Variants in ADAMTSL1 observed in about 807,000 individuals in gnomAD.
ADAMTSL1 encodes the protein ADAMTS-like protein 1.
Under a neutral mutation model 201.8 loss-of-function variants are expected in ADAMTSL1, and 126 were observed. The ratio of observed to expected loss-of-function variants is 0.62; its 90% CI spans 0.54 to 0.72. The LOEUF (loss-of-function observed/expected upper bound fraction) is 0.72, where lower values mean the gene tolerates loss of function less well. Ranked by LOEUF, ADAMTSL1 falls within the 30% of genes least tolerant of loss-of-function variation. The pLI is 0.00. For synonymous variants in ADAMTSL1, 1,121 were observed against 903.4 expected, an observed-to-expected ratio of 1.24 and a Z score of -4.32; for missense variants, 2,679 against 2,277.8, an observed-to-expected ratio of 1.18 and a Z score of -3.59.
At chr9:18,815,711 C>CAAAAAAAAAAAAAAAAAAA (rs35926602) in intron 20 of ADAMTSL1, among the ~76,000 whole-genome samples, 2 of 67,934 alleles carry the variant, frequency 2.9e-5, no homozygotes, top group Non-Finnish European at 5.7e-5. Context: ...AACCCTGTCT[C>CAAAAAAAAAAAAAAAAAAA]AAAAAAAAAA....
At chr9:18,605,496 C>T (rs1303370985) in intron 4 of ADAMTSL1, among the ~76,000 whole-genome samples, 1 of 152,182 alleles carries the variant, frequency 6.6e-6, no homozygotes, top group Admixed American at 6.5e-5. Flanking sequence ...ACAGTCTACA[C>T]ATTTTAAGGC....
At chr9:18,037,423 C>T (rs1017824557) in intron 1 of ADAMTSL1, among the ~76,000 whole-genome samples, 2 of 152,104 alleles carry the variant, frequency 1.3e-5, no homozygotes, top group Non-Finnish European at 2.9e-5. Context: ...AGAGATGGAG[C>T]CCTTACTCAT....
chr9:18,606,741 C>G (rs561127911), intron 4 of ADAMTSL1, among the ~76,000 whole-genome samples: 1 of 152,184 alleles, frequency 6.6e-6, no homozygotes, highest in African/African-American at 2.4e-5. Context: ...ACACACCGTA[C>G]TTCATAAACA....
intron 20 of ADAMTSL1, among the ~76,000 whole-genome samples, chr9:18,805,121 A>G (rs1172437498): frequency 6.6e-6 from 1 of 152,206 alleles, no homozygotes; most frequent in Non-Finnish European, 1.5e-5. Context: ...CAGGGAGTCA[A>G]TCTGGCATAT....
intron 1 of ADAMTSL1, among the ~76,000 whole-genome samples, chr9:18,074,471 G>GTTATC (rs1823105738): frequency 7.9e-6 from 1 of 126,870 alleles, no homozygotes; most frequent in Non-Finnish European, 1.7e-5. Flanking sequence ...ACCACACTGT[G>GTTATC]TTTTCTTTTC....
chr9:18,237,791 T>C (rs10733349), intron 2 of ADAMTSL1, among the ~76,000 whole-genome samples: 134,442 of 152,282 alleles, frequency 0.88, 59,619 homozygotes, highest in East Asian at 1. Flanking sequence ...TTGTACACTG[T>C]TTTCTTCCTT....
intron 3 of ADAMTSL1, among the ~76,000 whole-genome samples, chr9:18,547,154 G>A (rs1197305812): frequency 1.3e-5 from 2 of 152,136 alleles, no homozygotes; most frequent in East Asian, 3.8e-4. Flanking sequence ...ATAAGAAAAT[G>A]TATGTAAGAC....
intron 23 of ADAMTSL1, among the ~76,000 whole-genome samples, chr9:18,844,459 C>A (rs991028968): frequency 6.6e-6 from 1 of 152,192 alleles, no homozygotes; most frequent in African/African-American, 2.4e-5. Context: ...GGGGGTGCCT[C>A]CCAGTTAGGC....
chr9:18,702,825 C>T (rs527350921), intron 13 of ADAMTSL1, among the ~76,000 whole-genome samples: 7 of 151,556 alleles, frequency 4.6e-5, no homozygotes, highest in Non-Finnish European at 1.0e-4. Flanking sequence ...TGCGGTGGCA[C>T]GATCTTGGCT....
At chr9:18,429,182 C>T (rs1271741495) in intron 2 of ADAMTSL1, among the ~76,000 whole-genome samples, 1 of 152,082 alleles carries the variant, frequency 6.6e-6, no homozygotes, top group Non-Finnish European at 1.5e-5. Flanking sequence ...TTCATAATGA[C>T]ATATTCTTTG....
chr9:18,725,304 G>T (rs1430522009), intron 15 of ADAMTSL1, among the ~76,000 whole-genome samples: 1 of 152,202 alleles, frequency 6.6e-6, no homozygotes, highest in African/African-American at 2.4e-5. Flanking sequence ...GACAGATGGA[G>T]GTTAAGTAAG....
chr9:18,903,583 G>T (rs1388827075), intron 26 of ADAMTSL1, among the ~76,000 whole-genome samples: 1 of 152,150 alleles, frequency 6.6e-6, no homozygotes, highest in Non-Finnish European at 1.5e-5. Context: ...GGGGCTGCTT[G>T]TTCAAAAACT....
chr9:18,734,520 T>C (rs909044776), intron 15 of ADAMTSL1, among the ~76,000 whole-genome samples: 2 of 152,170 alleles, frequency 1.3e-5, no homozygotes, highest in African/African-American at 4.8e-5. Flanking sequence ...TCATAGGTTC[T>C]GGAGAAACAA....
At chr9:18,908,098 G>GGGAGAGGTGATCACCTAGGA in intron 28 of ADAMTSL1, 1 of 316,430 alleles carries the variant, frequency 3.2e-6, no homozygotes, top group Non-Finnish European at 6.0e-6. Context: ...TTTGCCTAGG[G>GGGAGAGGTGATCACCTAGGA]GGAGAGGTGA....
chr9:17,992,504 G>A (rs1408791927), intron 1 of ADAMTSL1, among the ~76,000 whole-genome samples: 1 of 152,134 alleles, frequency 6.6e-6, no homozygotes, highest in African/African-American at 2.4e-5. Context: ...TTTAGTATCT[G>A]GGAAGCTGGA....
At chr9:18,004,735 A>T (rs950244925) in intron 1 of ADAMTSL1, among the ~76,000 whole-genome samples, 1 of 152,054 alleles carries the variant, frequency 6.6e-6, no homozygotes, top group African/African-American at 2.4e-5. Context: ...GACTAAAGAT[A>T]AGAACTCAGT....
chr9:18,760,184 C>T (rs1298990232), intron 16 of ADAMTSL1, among the ~76,000 whole-genome samples: 1 of 152,170 alleles, frequency 6.6e-6, no homozygotes, highest in East Asian at 1.9e-4. Context: ...AAACTTGAGC[C>T]ATTATGAGCC....
intron 1 of ADAMTSL1, among the ~76,000 whole-genome samples, chr9:18,148,061 A>G (rs1011807151): frequency 6.6e-6 from 1 of 152,108 alleles, no homozygotes; most frequent in African/African-American, 2.4e-5. Context: ...AGCTACATAA[A>G]TATTTGTTGA....
In ADAMTSL1 at chr9:18,906,732, G is replaced by A. The variant is rs945996259; in HGVS notation, c.5002G>A (p.Val1668Ile). The A allele has an allele frequency of 3.7e-6, 6 of 1,612,320 alleles. No individual in the cohort carries two copies. The highest frequency in any genetic ancestry group is 1.6e-4 in the Middle Eastern group (1 of 6,082). ...GAACTGCTGGTCAGAGGCCTGCAGTGTACACTGGAGAGTCAGCCTGTGGAC... is the reference window on the plus strand; with the variant it reads ...GAACTGCTGGTCAGAGGCCTGCAGTATACACTGGAGAGTCAGCCTGTGGAC... ...TQNCWSEACS[V>I]HWRVSLWTLC... Residue 1668 changes from valine to isoleucine, a missense_variant, in exon 28 of 29, where the codon GTA becomes ATA. Val to Ile is a conservative substitution (Grantham distance 29). Transcript: ENST00000380548.
Sources: allele counts gnomAD v4.1 joint callset (sites outside exome capture counted in the v4.1 genomes callset), GRCh38; gene constraint gnomAD v4.1.1; transcripts MANE v1.5; gene names NCBI Gene and HGNC (gene_info 2026-07-23, HGNC 2026-07-21).